The following PALM2AKAP2 variants were observed in gnomAD, a reference collection of about 807,000 sequenced individuals.
The protein encoded by PALM2AKAP2 is PALM2 and AKAP2 fusion, also known as PALM2-AKAP2 fusion protein.
A neutral mutation model predicts 71.5 loss-of-function variants in PALM2AKAP2; 37 were observed. The observed-to-expected ratio is 0.52, with a 90% CI of 0.40 to 0.68. The LOEUF (loss-of-function observed/expected upper bound fraction) is 0.68. Ranked by LOEUF, PALM2AKAP2 falls within the 30% of genes least tolerant of loss-of-function variation. The probability of loss-of-function intolerance (pLI) is 0.00; values close to 1 mark genes in which losing one functional copy is unlikely to be tolerated. For synonymous variants in PALM2AKAP2, 468 were observed against 478.8 expected, an observed-to-expected ratio of 0.98 and a Z score of 0.29; for missense variants, 1,224 against 1,191.8, an observed-to-expected ratio of 1.03 and a Z score of -0.40.
At chr9:109,703,544 C>A (rs1477333096) in intron 1 of PALM2AKAP2, among the ~76,000 whole-genome samples, 2 of 151,534 alleles carry the variant, frequency 1.3e-5, no homozygotes, top group Admixed American at 1.3e-4. Flanking sequence ...GTACTTTTTT[C>A]AAAATAGCTT....
chr9:109,876,848 C>T (rs1402026256), intron 2 of PALM2AKAP2, among the ~76,000 whole-genome samples: 1 of 152,092 alleles, frequency 6.6e-6, no homozygotes, highest in Non-Finnish European at 1.5e-5. Flanking sequence ...TTAATGATGT[C>T]ATGCCTATAT....
intron 5 of PALM2AKAP2, among the ~76,000 whole-genome samples, chr9:109,929,443 T>G (rs1207506141): frequency 6.6e-6 from 1 of 152,148 alleles, no homozygotes; most frequent in Non-Finnish European, 1.5e-5. Flanking sequence ...GTCACCCACC[T>G]GCCCCTACCC....
intron 2 of PALM2AKAP2, among the ~76,000 whole-genome samples, chr9:109,876,818 C>T (rs184948175): frequency 6.6e-6 from 1 of 152,122 alleles, no homozygotes; most frequent in Non-Finnish European, 1.5e-5. Context: ...CTCTTCCTGG[C>T]TCCTCCTGTT....
intron 1 of PALM2AKAP2, among the ~76,000 whole-genome samples, chr9:109,809,087 G>C (rs913288111): frequency 6.6e-6 from 1 of 152,374 alleles, no homozygotes; most frequent in East Asian, 1.9e-4. Flanking sequence ...TGCTAGGGCA[G>C]TGTGGAAAGG....
At chr9:109,942,639 C>CTTTTTTTTTTTTAAATTGCATTTCCT in intron 6 of PALM2AKAP2, 1 of 1,513,140 alleles carries the variant, frequency 6.6e-7, no homozygotes, top group Non-Finnish European at 8.8e-7. Context: ...CATTCACTGG[C>CTTTTTTTTTTTTAAATTGCATTTCCT]TTTTTTTGTT....
chr9:110,117,786 T>C lies in PALM2AKAP2; in HGVS notation c.157-18341T>C, dbSNP rs148547256. The stretch of plus-strand genomic sequence containing the variant: ...TCTTCAAGGTCCCATCTCTCAACAC[T>C]GTTGTATTTGGGATTAAGTTTCCAA... On this transcript the variant is annotated intron_variant, in intron 1 of 3. Transcript: ENST00000374525. Among the ~76,000 whole-genome samples, 33 of 152,162 alleles carry C rather than the reference T, an allele frequency of 2.2e-4. No homozygotes were observed. In the East Asian group the frequency reaches 6.4e-3, roughly 29 times the overall value.
chr9:109,827,084 C>T (rs1265029762), intron 1 of PALM2AKAP2, among the ~76,000 whole-genome samples: 3 of 152,294 alleles, frequency 2.0e-5, no homozygotes, highest in African/African-American at 7.2e-5. Context: ...TCACCATAGA[C>T]TCTAATTAGT....
chr9:110,035,194 CAT>C (rs1491332780), intron 7 of PALM2AKAP2, among the ~76,000 whole-genome samples: 12 of 139,460 alleles, frequency 8.6e-5, no homozygotes, highest in African/African-American at 3.0e-4. Flanking sequence ...TATATGTGTG[CAT>C]GTGTGTGTGT....
intron 2 of PALM2AKAP2, among the ~76,000 whole-genome samples, chr9:110,145,535 A>G (rs542360336): frequency 6.6e-6 from 1 of 152,264 alleles, no homozygotes; most frequent in South Asian, 2.1e-4. Flanking sequence ...AAACATGAAC[A>G]TTTTTGGTGT....
chr9:110,114,531 G>C (rs911253360), intron 1 of PALM2AKAP2, among the ~76,000 whole-genome samples: 1 of 152,138 alleles, frequency 6.6e-6, no homozygotes, highest in Non-Finnish European at 1.5e-5. Context: ...AGAGTCTCAG[G>C]GAGGAGAAAA....
chr9:109,749,705 GATCTCC>G (rs928972221), intron 1 of PALM2AKAP2, among the ~76,000 whole-genome samples: 5 of 152,246 alleles, frequency 3.3e-5, no homozygotes, highest in African/African-American at 1.2e-4. Flanking sequence ...TCAGATGTGT[GATCTCC>G]ATCTTCTTAA....
intron 1 of PALM2AKAP2, among the ~76,000 whole-genome samples, chr9:110,074,022 A>T (rs1360362165): frequency 6.6e-6 from 1 of 152,218 alleles, no homozygotes; most frequent in Non-Finnish European, 1.5e-5. Context: ...CACCATTAGT[A>T]ATTGGACAAA....
intron 7 of PALM2AKAP2, among the ~76,000 whole-genome samples, chr9:110,032,583 C>A (rs944838519): frequency 6.6e-6 from 1 of 151,126 alleles, no homozygotes; most frequent in Non-Finnish European, 1.5e-5. Context: ...CCCAGCCACT[C>A]GGGAGGCTGA....
intron 1 of PALM2AKAP2, among the ~76,000 whole-genome samples, chr9:109,729,294 G>T (rs1249419698): frequency 2.6e-5 from 4 of 152,114 alleles, no homozygotes; most frequent in Non-Finnish European, 4.4e-5. Flanking sequence ...CCTAAAGTGG[G>T]TGCTGGGTAC....
chr9:109,789,646 G>A (rs369080319), intron 1 of PALM2AKAP2, among the ~76,000 whole-genome samples: 1 of 152,158 alleles, frequency 6.6e-6, no homozygotes, highest in Non-Finnish European at 1.5e-5. Flanking sequence ...CTAAGAGAAC[G>A]TGGAGACTGT....
intron 2 of PALM2AKAP2, among the ~76,000 whole-genome samples, chr9:109,877,950 C>G (rs570344438): frequency 7.9e-5 from 12 of 152,326 alleles, no homozygotes; most frequent in African/African-American, 2.2e-4. Flanking sequence ...GTGCCTACAA[C>G]AGATTAAGTA....
At chr9:109,774,582 C>A (rs921921375) in intron 1 of PALM2AKAP2, among the ~76,000 whole-genome samples, 6 of 151,466 alleles carry the variant, frequency 4.0e-5, no homozygotes, top group African/African-American at 1.2e-4. Context: ...TGACATAGGG[C>A]AGAATCCTCT....
intron 6 of PALM2AKAP2, among the ~76,000 whole-genome samples, chr9:109,983,694 A>G (rs1832319968): frequency 6.6e-6 from 1 of 151,980 alleles, no homozygotes; most frequent in Admixed American, 6.6e-5. Context: ...GCAAAACCCC[A>G]TCTCTACTAA....
chr9:109,702,619 G>A (rs1156678980), intron 1 of PALM2AKAP2, among the ~76,000 whole-genome samples: 1 of 151,936 alleles, frequency 6.6e-6, no homozygotes, highest in African/African-American at 2.4e-5. Flanking sequence ...GGGAGGGATA[G>A]CATTAGGAGA....
Sources: allele counts gnomAD v4.1 joint callset (sites outside exome capture counted in the v4.1 genomes callset), GRCh38; gene constraint gnomAD v4.1.1; transcripts MANE v1.5; gene names NCBI Gene and HGNC (gene_info 2026-07-23, HGNC 2026-07-21).